The following FAAH2 variants were observed in gnomAD, a reference collection of about 807,000 sequenced individuals.
FAAH2 encodes the protein fatty acid amide hydrolase 2, also known as fatty-acid amide hydrolase 2.
Under a neutral mutation model 36.9 loss-of-function variants are expected in FAAH2, and 60 were observed. The ratio of observed to expected loss-of-function variants is 1.63; its 90% CI spans 1.32 to 2.02. FAAH2 has a LOEUF of 2.02. Among genes scored for constraint, FAAH2 ranks in the 30% most tolerant of loss-of-function variants. The probability of loss-of-function intolerance (pLI) is 0.00; values close to 1 mark genes in which losing one functional copy is unlikely to be tolerated. For missense variants in FAAH2, 689 were observed against 397.5 expected, an observed-to-expected ratio of 1.73 and a Z score of -6.23; for synonymous variants, 214 against 143.8, an observed-to-expected ratio of 1.49 and a Z score of -3.49.
At chrX:57,461,276 A>G (rs1285288643) in intron 10 of FAAH2, among the ~76,000 whole-genome samples, 2 of 111,780 alleles carry the variant, frequency 1.8e-5, no homozygotes, top group Non-Finnish European at 3.8e-5. Flanking sequence ...GATATTCAGG[A>G]CTTGAACTCA....
chrX:57,126,505 A>G, the FAAH2 span, among the ~76,000 whole-genome samples: 15 of 112,134 alleles, frequency 1.3e-4, no homozygotes, highest in South Asian at 1.1e-3. Context: ...CCGTTGGAGG[A>G]GAGTGAACCT....
chrX:57,158,043 C>T, the FAAH2 span, among the ~76,000 whole-genome samples: 17 of 110,808 alleles, frequency 1.5e-4, no homozygotes, highest in Non-Finnish European at 2.8e-4. Context: ...CTTCCCCTTC[C>T]TGTGTCCAAG....
intron 2 of FAAH2, among the ~76,000 whole-genome samples, chrX:57,305,647 C>G (rs1183720490): frequency 8.9e-6 from 1 of 111,755 alleles, no homozygotes; most frequent in East Asian, 2.8e-4. Context: ...CCCAGACTCC[C>G]TAGAACGCCA....
chrX:57,427,623 T>C (rs1242243375), intron 7 of FAAH2, among the ~76,000 whole-genome samples: 1 of 111,614 alleles, frequency 9.0e-6, no homozygotes, highest in African/African-American at 3.3e-5. Context: ...ATAAAAGTAA[T>C]TCACCACATA....
At chrX:57,432,456 A>C (rs1456025304) in intron 8 of FAAH2, among the ~76,000 whole-genome samples, 4 of 111,765 alleles carry the variant, frequency 3.6e-5, no homozygotes, top group African/African-American at 1.3e-4. Flanking sequence ...GCCTTAAGTG[A>C]TTAGGTAACT....
chrX:57,372,026 C>CT (rs201508257), intron 5 of FAAH2, among the ~76,000 whole-genome samples: 1 of 111,300 alleles, frequency 9.0e-6, no homozygotes, highest in Non-Finnish European at 1.9e-5. Context: ...ATATGTATCA[C>CT]TTTTTTTATA....
the FAAH2 span, among the ~76,000 whole-genome samples, chrX:57,154,439 T>G: frequency 2.8e-5 from 3 of 108,002 alleles, no homozygotes; most frequent in East Asian, 8.8e-4. Context: ...ATTTTTTTTT[T>G]TTATTGCATT....
intron 10 of FAAH2, among the ~76,000 whole-genome samples, chrX:57,455,553 C>T (rs1179746542): frequency 9.0e-6 from 1 of 111,374 alleles, no homozygotes; most frequent in East Asian, 2.8e-4. Flanking sequence ...TCAAGAGACC[C>T]ATTTCAACTG....
intron 6 of FAAH2, among the ~76,000 whole-genome samples, chrX:57,379,323 C>T (rs1018991870): frequency 3.6e-5 from 4 of 111,375 alleles, no homozygotes; most frequent in Non-Finnish European, 5.7e-5. Context: ...ATGTAACTTA[C>T]TTCAGTTTCT....
intron 7 of FAAH2, chrX:57,393,090 T>TCAC: frequency 2.1e-6 from 2 of 932,748 alleles, no homozygotes; most frequent in Non-Finnish European, 3.1e-6. Context: ...TGCCAGTGAG[T>TCAC]GCACTTCACG....
chrX:57,204,424 C>T, the FAAH2 span, among the ~76,000 whole-genome samples: 3 of 111,781 alleles, frequency 2.7e-5, no homozygotes, highest in East Asian at 8.5e-4. Flanking sequence ...ATGGTGATCA[C>T]GACTATCATA....
chrX:57,227,448 C>A, the FAAH2 span, among the ~76,000 whole-genome samples: 6 of 111,416 alleles, frequency 5.4e-5, no homozygotes, highest in Non-Finnish European at 1.1e-4. Context: ...GTGAGTCTAC[C>A]TGGCTCTGGG....
intron 7 of FAAH2, chrX:57,394,146 G>C: frequency 1.5e-6 from 1 of 684,787 alleles, no homozygotes; most frequent in Non-Finnish European, 2.4e-6. Flanking sequence ...TCTTCCATAG[G>C]AATGACCTGG....
chrX:57,272,118 T>C, the FAAH2 span, among the ~76,000 whole-genome samples: 1 of 106,151 alleles, frequency 9.4e-6, no homozygotes, highest in East Asian at 3.0e-4. Context: ...CAAGTATCAA[T>C]AGCTGAATAG....
Position 57,350,444 on chromosome X carries a change from GA to G in FAAH2, c.742+9062del, listed in dbSNP as rs924255125. 9.2e-5 allele frequency among the ~76,000 whole-genome samples: 10 copies of G among 109,120 alleles called. 1 individual carries two copies. Among genetic ancestry groups the G allele is most frequent in the South Asian group, 7.8e-4 (2 of 2,568 alleles). The allele number at this position is 109,120 out of a possible 115,157, so 94.8% of individuals were successfully genotyped here. A position where few individuals can be genotyped will look rare whatever the true frequency, so the allele number is the denominator to read the frequency against. ...CAAACCACAATGACAAACAACGTGG[GA>G]AAAAAAATAACTTATGAAACAAGCA... On this transcript the variant is annotated intron_variant, in intron 5 of 10. Transcript: ENST00000374900.
chrX:57,176,389 G>A, the FAAH2 span, among the ~76,000 whole-genome samples: 7 of 110,092 alleles, frequency 6.4e-5, no homozygotes, highest in Non-Finnish European at 1.1e-4. Context: ...ACTGCATTTT[G>A]TAGTTCAATA....
chrX:57,450,037 C>G (rs2056755971), intron 10 of FAAH2, among the ~76,000 whole-genome samples: 1 of 111,431 alleles, frequency 9.0e-6, no homozygotes, highest in African/African-American at 3.3e-5. Flanking sequence ...CCTAGTTACT[C>G]AGTTTCTGAA....
chrX:57,311,549 A>G (rs1602235531), intron 3 of FAAH2, among the ~76,000 whole-genome samples: 1 of 112,089 alleles, frequency 8.9e-6, no homozygotes, highest in East Asian at 2.8e-4. Context: ...GGGCAGCTCC[A>G]GCTGAGAGTA....
Position 57,459,268 on chromosome X carries a change from G to A in FAAH2, c.1423+10550G>A, listed in dbSNP as rs1250407420. 5.4e-5 allele frequency among the ~76,000 whole-genome samples: 6 copies of A among 112,136 alleles called. No homozygotes were observed. The Admixed American group carries it at 5.6e-4, about 11-fold the overall frequency. On this transcript the variant is annotated intron_variant, in intron 10 of 10. Coordinates refer to ENST00000374900, the MANE Select transcript of FAAH2 (RefSeq NM_174912.4). Reference sequence around the variant, plus strand: ...TGGCAAAAGCAGCTATGGCCAGACTGCCTCTCTAGATTCCTCCTCACTGGG... The same window carrying A: ...TGGCAAAAGCAGCTATGGCCAGACTACCTCTCTAGATTCCTCCTCACTGGG...
Sources: allele counts gnomAD v4.1 joint callset (sites outside exome capture counted in the v4.1 genomes callset), GRCh38; gene constraint gnomAD v4.1.1; transcripts MANE v1.5; gene names NCBI Gene and HGNC (gene_info 2026-07-23, HGNC 2026-07-21).